MDGA2: variants seen among roughly 807,000 people sequenced by gnomAD.
MDGA2 encodes the protein MAM domain containing glycosylphosphatidylinositol anchor 2.
Under a neutral mutation model 117.8 loss-of-function variants are expected in MDGA2, and 40 were observed. The ratio of observed to expected loss-of-function variants is 0.34; its 90% CI spans 0.26 to 0.44. The LOEUF (loss-of-function observed/expected upper bound fraction) is 0.44. Among genes scored for constraint, MDGA2 ranks in the 20% least tolerant of loss-of-function variants. MDGA2 has a pLI of 1.00. For synonymous variants in MDGA2, 452 were observed against 439.0 expected, an observed-to-expected ratio of 1.03 and a Z score of -0.37; for missense variants, 1,123 against 1,250.6, an observed-to-expected ratio of 0.90 and a Z score of 1.54.
chr14:47,373,255 A>G (rs1383889240), intron 1 of MDGA2, among the ~76,000 whole-genome samples: 2 of 152,186 alleles, frequency 1.3e-5, no homozygotes, highest in Non-Finnish European at 1.5e-5. Context: ...AAATTGTGAC[A>G]ATTAAGATCA....
chr14:47,240,361 A>T (rs1278216337), intron 2 of MDGA2, among the ~76,000 whole-genome samples: 6 of 151,812 alleles, frequency 4.0e-5, no homozygotes, highest in Non-Finnish European at 8.8e-5. Flanking sequence ...TTTTTTAAGA[A>T]GAAGAATATT....
chr14:46,926,794 G>A (rs778847847), intron 9 of MDGA2, among the ~76,000 whole-genome samples: 9 of 152,010 alleles, frequency 5.9e-5, no homozygotes, highest in Non-Finnish European at 1.3e-4. Flanking sequence ...AATAACTGCT[G>A]GGAAAGAAGC....
At chr14:47,309,227 A>T (rs1003672473) in intron 1 of MDGA2, among the ~76,000 whole-genome samples, 1 of 152,148 alleles carries the variant, frequency 6.6e-6, no homozygotes, top group African/African-American at 2.4e-5. Flanking sequence ...ACTGCAGATC[A>T]TTTTATTTGT....
chr14:47,051,696 A>C (rs1190694429), intron 7 of MDGA2, among the ~76,000 whole-genome samples: 1 of 151,930 alleles, frequency 6.6e-6, no homozygotes, highest in Non-Finnish European at 1.5e-5. Flanking sequence ...CACTTTAATA[A>C]CTGTTCTCTC....
At chr14:47,004,185 G>A (rs565863553) in intron 8 of MDGA2, among the ~76,000 whole-genome samples, 12 of 151,796 alleles carry the variant, frequency 7.9e-5, no homozygotes, top group South Asian at 2.1e-4. Context: ...ATAATTACAC[G>A]GAAGATACTC....
intron 5 of MDGA2, among the ~76,000 whole-genome samples, chr14:47,129,591 C>A (rs1192328965): frequency 6.8e-6 from 1 of 148,134 alleles, no homozygotes; most frequent in Non-Finnish European, 1.5e-5. Flanking sequence ...ATTTATAGTC[C>A]TTTGGGTATA....
chr14:47,037,883 A>G (rs1888913350), intron 7 of MDGA2, among the ~76,000 whole-genome samples: 1 of 152,182 alleles, frequency 6.6e-6, no homozygotes, highest in Admixed American at 6.5e-5. Context: ...AAAACAAGCT[A>G]CCTGACCTTG....
intron 1 of MDGA2, among the ~76,000 whole-genome samples, chr14:47,583,144 C>G (rs926263143): frequency 6.6e-6 from 1 of 151,874 alleles, no homozygotes; most frequent in African/African-American, 2.4e-5. Context: ...GAAAAGGTCT[C>G]TATTCTCACA....
At chr14:47,361,207 C>CTCTATATA (rs61280975) in intron 1 of MDGA2, among the ~76,000 whole-genome samples, 2,343 of 140,370 alleles carry the variant, frequency 0.017, 26 homozygotes, top group Non-Finnish European at 0.023. Context: ...CTCTCTCTCT[C>CTCTATATA]TATATATATA....
intron 2 of MDGA2, among the ~76,000 whole-genome samples, chr14:47,276,766 C>T (rs192499017): frequency 6.6e-6 from 1 of 152,316 alleles, no homozygotes; most frequent in Admixed American, 6.5e-5. Context: ...GTCTGAAGTA[C>T]ACATCTTTTG....
At chr14:47,613,386 C>T (rs1425199775) in intron 1 of MDGA2, among the ~76,000 whole-genome samples, 2 of 151,872 alleles carry the variant, frequency 1.3e-5, no homozygotes, top group East Asian at 1.9e-4. Context: ...CAGACATTTA[C>T]CAGAAGAGGG....
chr14:47,247,132 G>T (rs1375456744), intron 2 of MDGA2, among the ~76,000 whole-genome samples: 1 of 151,624 alleles, frequency 6.6e-6, no homozygotes, highest in Non-Finnish European at 1.5e-5. Flanking sequence ...GACCATTTTG[G>T]CCACAAGGAA....
intron 1 of MDGA2, among the ~76,000 whole-genome samples, chr14:47,456,641 C>G (rs907077318): frequency 2.4e-4 from 36 of 151,892 alleles, no homozygotes; most frequent in African/African-American, 8.5e-4. Flanking sequence ...AGGTGTGAAA[C>G]TATAAGATAG....
At chr14:47,468,523 A>C (rs1893650426) in intron 1 of MDGA2, among the ~76,000 whole-genome samples, 1 of 152,132 alleles carries the variant, frequency 6.6e-6, no homozygotes, top group Non-Finnish European at 1.5e-5. Flanking sequence ...TCTGATTGTG[A>C]TGAGGACTAA....
At chr14:47,481,769 A>G (rs1301528678) in intron 1 of MDGA2, among the ~76,000 whole-genome samples, 1 of 151,996 alleles carries the variant, frequency 6.6e-6, no homozygotes, top group Non-Finnish European at 1.5e-5. Context: ...GGCAGGAAAA[A>G]TACCGTATCA....
chr14:47,111,768 G>A (rs149557058), intron 5 of MDGA2, among the ~76,000 whole-genome samples: 27 of 152,202 alleles, frequency 1.8e-4, no homozygotes, highest in African/African-American at 6.3e-4. Context: ...AGAAAAGAGT[G>A]AAAGAAACAA....
At chr14:47,158,072 A>G (rs1883473330) in intron 3 of MDGA2, among the ~76,000 whole-genome samples, 2 of 152,076 alleles carry the variant, frequency 1.3e-5, no homozygotes, top group African/African-American at 4.8e-5. Context: ...ACTGTGTTTC[A>G]GTCACAACAG....
intron 8 of MDGA2, among the ~76,000 whole-genome samples, chr14:46,964,046 C>T (rs1339427964): frequency 1.3e-5 from 2 of 152,108 alleles, no homozygotes; most frequent in East Asian, 1.9e-4. Context: ...TTTCTGGGAC[C>T]AGGACACAAG....
intron 7 of MDGA2, among the ~76,000 whole-genome samples, chr14:47,038,741 T>A (rs1566587106): frequency 6.6e-6 from 1 of 150,840 alleles, no homozygotes; most frequent in African/African-American, 2.4e-5. Flanking sequence ...ATCAAGACCA[T>A]CCTGGTCAAC....
Sources: gnomAD v4.1 joint callset for allele counts (sites outside exome capture counted in the v4.1 genomes callset) on GRCh38, gnomAD v4.1.1 for gene constraint, MANE v1.5 for transcripts, NCBI Gene and HGNC (gene_info 2026-07-23, HGNC 2026-07-21) for gene names.